Variants in MUS81 observed in about 807,000 individuals in gnomAD.
MUS81 encodes MUS81 structure-specific endonuclease subunit.
A neutral mutation model predicts 74.2 loss-of-function variants in MUS81; 69 were observed. That is an observed-to-expected ratio of 0.93 (90% CI 0.77 to 1.14). The LOEUF is 1.14. Ranked by LOEUF, MUS81 falls within the 50% of genes most tolerant of loss-of-function variation. The pLI is 0.00. For synonymous variants in MUS81, 303 were observed against 300.6 expected, an observed-to-expected ratio of 1.01 and a Z score of -0.08; for missense variants, 711 against 726.5, an observed-to-expected ratio of 0.98 and a Z score of 0.25.
At position 65,863,083 on chromosome 11, in the gene MUS81, G is replaced by A. The variant is rs765791317; in HGVS notation, c.624G>A (p.Glu208=). The A allele has an allele frequency of 6.2e-7, 1 of 1,614,150 alleles. No homozygotes were observed. The highest frequency in any genetic ancestry group is 2.2e-5 in the East Asian group (1 of 44,882). ...CTCCCAGGTACTCATTGACCCCAGA[G>A]GGCCTGGAGCTGGCCCAGAAGTTGG... ...HQPARYSLTP[E]GLELAQKLAE... The change falls in exon 7 of 16, where the codon GAG becomes GAA. Residue 208 remains glutamate, a synonymous_variant. Transcript: ENST00000308110.
At chr11:65,866,698 T>C (rs1666850421), downstream of MUS81, 4 of 713,880 alleles carry the variant, frequency 5.6e-6, no homozygotes. Context: ...CTCCTGTCAA[T>C]GGGGGCCCCT....
rs902399243 is a variant in MUS81 at position 65,860,980 on chromosome 11, G to A, written c.143G>A (p.Arg48His). 6.2e-7 allele frequency: 1 copy of A among 1,611,928 alleles called. No individual in the cohort carries two copies. The highest frequency in any genetic ancestry group is 8.5e-7 in the Non-Finnish European group (1 of 1,179,604). ...CTACCCCTGCCCGGCCAGGCGCTGC[G>A]TTCCCTCCGACGGTACCCACTGCCG... ...RTRFVFQKAL[R>H]SLRRYPLPLR... Residue 48 changes from arginine to histidine, a missense_variant, in exon 2 of 16, where the codon CGT becomes CAT. Coordinates refer to ENST00000308110, the MANE Select transcript of MUS81 (RefSeq NM_025128.5).
At position 65,863,210 on chromosome 11, in the gene MUS81, GGA is replaced by G; in HGVS notation, c.746+7_746+8del. Reference sequence around the variant, plus strand: ...AGGAGCAGCTTCAGCAGAGCTGTGAGGAGGAGGGCAGAGGAGTGGGGAAAACA... The same window carrying G: ...AGGAGCAGCTTCAGCAGAGCTGTGAGGGAGGGCAGAGGAGTGGGGAAAACA... On this transcript the variant is annotated splice_donor_region_variant and intron_variant, in intron 7 of 15. Transcript: ENST00000308110. 6.2e-7 allele frequency: 1 copy of G among 1,611,344 alleles called. No homozygotes were observed. Among genetic ancestry groups the G allele is most frequent in the Non-Finnish European group, 8.5e-7 (1 of 1,178,704 alleles).
At position 65,860,457 on chromosome 11, in the gene MUS81, C is replaced by T. The variant is rs1859543245; in HGVS notation, c.-297C>T. On this transcript the variant is annotated 5_prime_UTR_variant, in exon 1 of 16. Transcript: ENST00000308110. Reference sequence around the variant, plus strand: ...TGACAGGAAGGAGCCGGTCCAGGCTCCGGGGGCTGGGAAAGGGCGCGTCTC... The same window carrying T: ...TGACAGGAAGGAGCCGGTCCAGGCTTCGGGGGCTGGGAAAGGGCGCGTCTC... 3.7e-6 allele frequency: 2 copies of T among 533,678 alleles called. No individual in the cohort carries two copies. The highest frequency in any genetic ancestry group is 6.9e-6 in the Non-Finnish European group (2 of 290,704). 33.1% of individuals were successfully genotyped at this position (533,678 alleles called of 1,614,324 possible). A position where few individuals can be genotyped will look rare whatever the true frequency, so the allele number is the denominator to read the frequency against.
intron 10 of MUS81, 128 bp from the exon 11 acceptor site, chr11:65,864,369 C>A: frequency 2.5e-6 from 2 of 791,908 alleles, no homozygotes; most frequent in Non-Finnish European, 4.3e-6. Flanking sequence ...GGTGGAGAGG[C>A]TAGGGAGGAT....
intron 14 of MUS81, chr11:65,865,595 G>A (rs1161452070): frequency 3.2e-6 from 2 of 631,898 alleles, no homozygotes; most frequent in South Asian, 2.0e-5. Flanking sequence ...TAAGGGGAGT[G>A]AGGGTGAAGG....
Position 65,864,742 on chromosome 11 carries a change from A to C in MUS81, c.1199A>C (p.Lys400Thr), listed in dbSNP as rs767645382. The C allele has an allele frequency of 2.1e-5, 34 of 1,613,940 alleles. No homozygotes were observed. The Middle Eastern group carries it at 4.9e-4, about 23-fold the overall frequency. ...CAGGTCATTGATGGCTTTTTTGTGA[A>C]GCGCACAGCAGACATTAAGGAGTCA... ...NTQVIDGFFV[K>T]RTADIKESAA... The change falls in exon 12 of 16, where the codon AAG becomes ACG. Residue 400 changes from lysine to threonine, a missense_variant. Coordinates refer to ENST00000308110, the MANE Select transcript of MUS81 (RefSeq NM_025128.5).
In MUS81 at chr11:65,863,111, G is replaced by A. The variant is rs757454968; in HGVS notation, c.652G>A (p.Glu218Lys). The A allele has an allele frequency of 6.2e-6, 10 of 1,614,038 alleles. No individual in the cohort carries two copies. The highest frequency in any genetic ancestry group is 4.0e-5 in the African/African-American group (3 of 74,928). Residue 218 changes from glutamate to lysine, a missense_variant, in exon 7 of 16, where the codon GAG (glutamate) becomes AAG (lysine). Coordinates refer to ENST00000308110, the MANE Select transcript of MUS81 (RefSeq NM_025128.5). ...EGLELAQKLAESEGLSLLNVG... is the reference protein window; with the variant it reads ...EGLELAQKLAKSEGLSLLNVG... ...CCTGGAGCTGGCCCAGAAGTTGGCCGAGTCAGAAGGCCTGAGCTTGCTGAA... is the reference window on the plus strand; with the variant it reads ...CCTGGAGCTGGCCCAGAAGTTGGCCAAGTCAGAAGGCCTGAGCTTGCTGAA...
chr11:65,860,301 A>C, upstream of MUS81: 1 of 459,186 alleles, frequency 2.2e-6, no homozygotes, highest in Non-Finnish European at 4.4e-6. Flanking sequence ...GAAGCTGACA[A>C]TCTTAAGAGA....
chr11:65,866,238 TGG>T lies in MUS81; in HGVS notation c.*187_*188del. On this transcript the variant is annotated 3_prime_UTR_variant, in exon 16 of 16. Coordinates refer to ENST00000308110, the MANE Select transcript of MUS81 (RefSeq NM_025128.5). ...GAACCAGGGATACCATCTGGTCCAG[TGG>T]TTTTTAAACAAAGCTGCTTAGCACC... The T allele has an allele frequency of 1.6e-6, 1 of 636,674 alleles. No individual in the cohort carries two copies. The highest frequency in any genetic ancestry group is 2.7e-6 in the Non-Finnish European group (1 of 370,712). The allele number at this position is 636,674 out of a possible 1,614,324, so 39.4% of individuals were successfully genotyped here. A position where few individuals can be genotyped will look rare whatever the true frequency, so the allele number is the denominator to read the frequency against.
downstream of MUS81, chr11:65,867,107 T>A (rs563662567): frequency 6.2e-7 from 1 of 1,612,928 alleles, no homozygotes; most frequent in Non-Finnish European, 8.5e-7. Flanking sequence ...GGGGGACATA[T>A]ATATTGTGTC....
downstream of MUS81, chr11:65,866,731 C>T (rs986808252): frequency 1.0e-5 from 8 of 766,226 alleles, no homozygotes; most frequent in Non-Finnish European, 1.6e-5. Context: ...ATAGAGACCC[C>T]CATTTAGGTG....
chr11:65,865,077 A>C lies in MUS81; in HGVS notation c.1333A>C (p.Thr445Pro). ...TPGNPESGAM[T>P]SPNPLCSLLT... Reference sequence around the variant, plus strand: ...TGGGAACCCTGAATCAGGGGCCATGACCTCTCCAAACCCTCTCTGCTCACT... The same window carrying C: ...TGGGAACCCTGAATCAGGGGCCATGCCCTCTCCAAACCCTCTCTGCTCACT... The change falls in exon 13 of 16, where the codon ACC becomes CCC. Residue 445 changes from threonine (T) to proline (P), a missense_variant. Transcript: ENST00000308110. 1 of 1,613,944 alleles carries C rather than the reference A, an allele frequency of 6.2e-7. No homozygotes were observed. Among genetic ancestry groups the C allele is most frequent in the Non-Finnish European group, 8.5e-7 (1 of 1,179,980 alleles).
rs1859705649 is a variant in MUS81, at chr11:65,863,721, G to A, written c.961G>A (p.Ala321Thr). The A allele has an allele frequency of 1.2e-6, 2 of 1,613,966 alleles. No individual in the cohort carries two copies. Among genetic ancestry groups the A allele is most frequent in the Admixed American group, 1.7e-5 (1 of 59,986 alleles). Residue 321 changes from alanine to threonine, a missense_variant and splice_region_variant, in exon 9 of 16, where the codon GCA becomes ACA. Ala to Thr is a moderately conservative substitution (Grantham distance 58). Coordinates refer to ENST00000308110, the MANE Select transcript of MUS81 (RefSeq NM_025128.5). ...VAQETNPRDP[A>T]NPGELVLDHI... ...CCAGGAGACCAATCCTAGAGACCCA[G>A]GTGAAGGGCCGTGGACAGGCTGGCA...
At position 65,863,430 on chromosome 11, in the gene MUS81, A is replaced by G; in HGVS notation, c.767A>G (p.Gln256Arg). The change falls in exon 8 of 16, where the codon CAG becomes CGG. Residue 256 changes from glutamine to arginine, a missense_variant. Coordinates refer to ENST00000308110, the MANE Select transcript of MUS81 (RefSeq NM_025128.5). ...SAELASEAGV[Q>R]QQPLELRPGE... is the part of the protein sequence containing the mutation. ...CTTAGTGCCAGTGAAGCAGGGGTCC[A>G]GCAGCAGCCACTGGAGCTGAGGCCT... 6.2e-7 allele frequency: 1 copy of G among 1,614,172 alleles called. No individual in the cohort carries two copies. Among genetic ancestry groups the G allele is most frequent in the Non-Finnish European group, 8.5e-7 (1 of 1,180,012 alleles).
downstream of MUS81, chr11:65,867,230 C>A: frequency 1.2e-6 from 1 of 824,682 alleles, no homozygotes; most frequent in Non-Finnish European, 1.9e-6. Flanking sequence ...CTCTTTGACA[C>A]CCTCGATGTC....
At chr11:65,864,240 CAG>C in intron 10 of MUS81, 2 of 587,168 alleles carry the variant, frequency 3.4e-6, no homozygotes, top group South Asian at 4.0e-5. Context: ...CCCCTAGTCA[CAG>C]AGGCCATGTG....
downstream of MUS81, chr11:65,866,459 G>C (rs928155317): frequency 4.3e-6 from 3 of 700,944 alleles, no homozygotes. Flanking sequence ...CAGTTGCCTC[G>C]TTTTATAGAA....
intron 6 of MUS81, 131 bp downstream of exon 6, chr11:65,862,660 C>A: frequency 1.2e-6 from 1 of 850,026 alleles, no homozygotes; most frequent in Non-Finnish European, 1.9e-6. Flanking sequence ...GGAGCCCCCA[C>A]TGTTGGAATA....
Sources: allele counts gnomAD v4.1 joint callset, GRCh38; gene constraint gnomAD v4.1.1; transcripts MANE v1.5; gene names NCBI Gene and HGNC (gene_info 2026-07-23, HGNC 2026-07-21).